The following LRMDA variants were observed in gnomAD, a reference collection of about 807,000 sequenced individuals.
The protein encoded by LRMDA is leucine-rich melanocyte differentiation-associated protein.
In LRMDA, 18 loss-of-function variants were observed where a neutral mutation model predicts 29.8. The observed-to-expected ratio is 0.60, with a 90% CI of 0.42 to 0.90. The LOEUF (loss-of-function observed/expected upper bound fraction) is 0.90, where lower values mean the gene tolerates loss of function less well. Among genes scored for constraint, LRMDA ranks in the 40% least tolerant of loss-of-function variants. LRMDA has a pLI of 0.00. For synonymous variants in LRMDA, 125 were observed against 109.4 expected (o/e 1.14, Z -0.89); for missense variants, 273 against 273.9 (o/e 1.00, Z 0.02).
At chr10:75,939,106 C>T (rs966732876) in intron 2 of LRMDA, among the ~76,000 whole-genome samples, 2 of 152,168 alleles carry the variant, frequency 1.3e-5, no homozygotes, top group African/African-American at 2.4e-5. Context: ...GCCAGCTTAA[C>T]ATTCTGTCTC....
chr10:75,796,142 T>TA (rs1843648503), intron 2 of LRMDA, among the ~76,000 whole-genome samples: 1 of 151,878 alleles, frequency 6.6e-6, no homozygotes, highest in Non-Finnish European at 1.5e-5. Flanking sequence ...TGTCTAGAAA[T>TA]AAAAAGTTAC....
intron 5 of LRMDA, among the ~76,000 whole-genome samples, chr10:76,067,744 A>C: frequency 6.6e-6 from 1 of 152,236 alleles, no homozygotes; most frequent in Non-Finnish European, 1.5e-5. Context: ...ATGCAGGGGC[A>C]ACTTGTCTAG....
chr10:75,733,604 T>A (rs1842725381), intron 2 of LRMDA, among the ~76,000 whole-genome samples: 1 of 152,148 alleles, frequency 6.6e-6, no homozygotes, highest in South Asian at 2.1e-4. Flanking sequence ...ATGTGGCCTG[T>A]TATGGAGGCA....
intron 2 of LRMDA, among the ~76,000 whole-genome samples, chr10:75,464,215 G>C (rs932671425): frequency 6.6e-6 from 1 of 152,218 alleles, no homozygotes; most frequent in African/African-American, 2.4e-5. Context: ...TGTAGGGGTC[G>C]GGGACAGGCC....
intron 2 of LRMDA, among the ~76,000 whole-genome samples, chr10:75,890,208 T>C (rs1166306891): frequency 2.0e-5 from 3 of 152,198 alleles, no homozygotes; most frequent in Non-Finnish European, 2.9e-5. Context: ...ATTTCCATTA[T>C]GAGGGAAGAG....
chr10:75,859,939 A>G (rs765584337), intron 2 of LRMDA, among the ~76,000 whole-genome samples: 19 of 152,130 alleles, frequency 1.2e-4, no homozygotes, highest in Admixed American at 2.6e-4. Context: ...GTTGATGTTA[A>G]AATTAATATA....
At chr10:76,425,311 A>G (rs1157745965) in intron 6 of LRMDA, among the ~76,000 whole-genome samples, 1 of 152,136 alleles carries the variant, frequency 6.6e-6, no homozygotes, top group Non-Finnish European at 1.5e-5. Flanking sequence ...GAGTTCCTAG[A>G]GTATTAAATA....
intron 2 of LRMDA, among the ~76,000 whole-genome samples, chr10:75,628,514 T>G (rs1340285488): frequency 6.6e-6 from 1 of 152,228 alleles, no homozygotes; most frequent in African/African-American, 2.4e-5. Context: ...GAGGATCAAA[T>G]GTACTTCACA....
At chr10:76,119,462 G>A (rs1009129276) in intron 5 of LRMDA, among the ~76,000 whole-genome samples, 1 of 151,986 alleles carries the variant, frequency 6.6e-6, no homozygotes, top group Non-Finnish European at 1.5e-5. Flanking sequence ...TATTATTACT[G>A]GTCCATATAG....
chr10:76,424,902 G>A (rs1224160244), intron 6 of LRMDA, among the ~76,000 whole-genome samples: 1 of 152,196 alleles, frequency 6.6e-6, no homozygotes, highest in African/African-American at 2.4e-5. Context: ...TTTATGATGG[G>A]TGGTTGAGTC....
In LRMDA at chr10:75,471,706, G is replaced by GCTGA. The variant is rs1196358632; in HGVS notation, c.131+33214_131+33217dup. 3.3e-5 allele frequency among the ~76,000 whole-genome samples: 5 copies of GCTGA among 152,242 alleles called. No individual in the cohort carries two copies. The East Asian group carries it at 5.8e-4, about 18-fold the overall frequency. On this transcript the variant is annotated intron_variant, in intron 2 of 6. Coordinates refer to ENST00000611255, the MANE Select transcript of LRMDA (RefSeq NM_001305581.2). Reference sequence around the variant, plus strand: ...ATGACTACATGATTTTTTACCTCATGCTGACGTACTTTAATGTAAACCAGT... The same window carrying GCTGA: ...ATGACTACATGATTTTTTACCTCATGCTGACTGACGTACTTTAATGTAAACCAGT...
At chr10:76,008,657 A>G (rs921728618) in intron 2 of LRMDA, among the ~76,000 whole-genome samples, 4 of 152,238 alleles carry the variant, frequency 2.6e-5, no homozygotes, top group Admixed American at 1.3e-4. Context: ...GTCCTCTGCC[A>G]TGCTGGACAA....
chr10:75,674,514 C>G (rs1207440593), intron 2 of LRMDA, among the ~76,000 whole-genome samples: 1 of 151,744 alleles, frequency 6.6e-6, no homozygotes, highest in Non-Finnish European at 1.5e-5. Flanking sequence ...AGAATATTAT[C>G]GCTCTCTAAC....
chr10:75,550,797 A>C (rs1311954440), intron 2 of LRMDA, among the ~76,000 whole-genome samples: 1 of 151,866 alleles, frequency 6.6e-6, no homozygotes, highest in Non-Finnish European at 1.5e-5. Context: ...CATCTCCACC[A>C]CTGGCTTATA....
At chr10:76,225,381 C>T (rs1851932806) in intron 5 of LRMDA, among the ~76,000 whole-genome samples, 2 of 151,930 alleles carry the variant, frequency 1.3e-5, no homozygotes, top group Non-Finnish European at 1.5e-5. Context: ...GATGCCACCG[C>T]ACTCCAGCCT....
intron 2 of LRMDA, among the ~76,000 whole-genome samples, chr10:75,836,672 A>G (rs758294870): frequency 4.1e-4 from 62 of 152,240 alleles, no homozygotes; most frequent in Non-Finnish European, 7.1e-4. Flanking sequence ...GTTATTTCCT[A>G]TGTCTGGAAA....
intron 2 of LRMDA, among the ~76,000 whole-genome samples, chr10:75,864,242 C>T (rs1844982847): frequency 6.6e-6 from 1 of 152,176 alleles, no homozygotes; most frequent in African/African-American, 2.4e-5. Context: ...ATAATACCAC[C>T]TAACAAAGTT....
chr10:76,111,396 G>C (rs188098058), intron 5 of LRMDA, among the ~76,000 whole-genome samples: 4 of 152,346 alleles, frequency 2.6e-5, no homozygotes, highest in Admixed American at 2.0e-4. Flanking sequence ...AAAAGACTTT[G>C]GCAGAAGAAA....
intron 2 of LRMDA, among the ~76,000 whole-genome samples, chr10:75,888,327 G>A (rs565329555): frequency 2.6e-5 from 4 of 152,258 alleles, no homozygotes; most frequent in South Asian, 4.2e-4. Context: ...TGAAAACTTC[G>A]ATTTTTTTTG....
Sources: allele counts gnomAD v4.1 joint callset (sites outside exome capture counted in the v4.1 genomes callset), GRCh38; gene constraint gnomAD v4.1.1; transcripts MANE v1.5; gene names NCBI Gene and HGNC (gene_info 2026-07-23, HGNC 2026-07-21).